Variants in TEX11 observed in about 807,000 individuals in gnomAD.
TEX11 encodes the protein testis-expressed protein 11.
A neutral mutation model predicts 84.4 loss-of-function variants in TEX11; 7 were observed. The observed-to-expected ratio is 0.08, with a 90% CI of 0.05 to 0.16. TEX11 has a LOEUF of 0.16. Among genes scored for constraint, TEX11 ranks in the 10% least tolerant of loss-of-function variants. TEX11 has a pLI of 1.00. For missense variants in TEX11, 551 were observed against 660.5 expected, an observed-to-expected ratio of 0.83 and a Z score of 1.82; for synonymous variants, 264 against 222.8, an observed-to-expected ratio of 1.18 and a Z score of -1.64.
intron 2 of TEX11, among the ~76,000 whole-genome samples, chrX:70,885,516 T>C (rs1017351838): frequency 1.3e-4 from 15 of 111,633 alleles, no homozygotes; most frequent in Admixed American, 3.8e-4. Context: ...TCAACATCAC[T>C]AATCATCAGG....
intron 11 of TEX11, among the ~76,000 whole-genome samples, chrX:70,729,619 A>C (rs190353733): frequency 4.6e-4 from 51 of 111,650 alleles, no homozygotes; most frequent in African/African-American, 1.1e-3. Context: ...AAAAAGAATA[A>C]AAAGAAATGA....
chrX:70,786,162 C>T (rs962546825), intron 9 of TEX11, among the ~76,000 whole-genome samples: 1 of 111,566 alleles, frequency 9.0e-6, no homozygotes. Context: ...AGTTCATGTC[C>T]TTTGTAGGGA....
In TEX11 at chrX:70,769,413, T is replaced by C. The variant is rs750751773; in HGVS notation, c.693-25194A>G. Among the ~76,000 whole-genome samples the C allele has an allele frequency of 3.6e-5, 4 of 111,538 alleles. No individual in the cohort carries two copies. The East Asian group carries it at 8.5e-4, about 24-fold the overall frequency. On this transcript the variant is annotated intron_variant, in intron 9 of 29. Coordinates refer to ENST00000374333, the MANE Select transcript of TEX11 (RefSeq NM_031276.3). ...TCACTACTGACCTTTAGAGAAAAACTATTCCTAAAAGACTAGAGATCTATT... is the reference window on the plus strand; with the variant it reads ...TCACTACTGACCTTTAGAGAAAAACCATTCCTAAAAGACTAGAGATCTATT...
chrX:70,770,345 A>T (rs1395896114), intron 9 of TEX11, among the ~76,000 whole-genome samples: 1 of 112,032 alleles, frequency 8.9e-6, no homozygotes, highest in Non-Finnish European at 1.9e-5. Context: ...AAGGCAAAAC[A>T]ATAATAAATA....
At chrX:70,516,987 G>A in the TEX11 span, among the ~76,000 whole-genome samples, 2 of 111,969 alleles carry the variant, frequency 1.8e-5, no homozygotes, top group East Asian at 2.8e-4. Context: ...CTGAGACTTT[G>A]CTGAAGTTGC....
At chrX:70,887,058 G>C (rs895272280) in intron 2 of TEX11, among the ~76,000 whole-genome samples, 1 of 111,798 alleles carries the variant, frequency 8.9e-6, no homozygotes, top group African/African-American at 3.2e-5. Flanking sequence ...GTACTCCCTG[G>C]TTATCATTGA....
chrX:70,836,151 C>A (rs1434549166), intron 7 of TEX11, among the ~76,000 whole-genome samples: 1 of 107,682 alleles, frequency 9.3e-6, no homozygotes, highest in Non-Finnish European at 1.9e-5. Context: ...AATGGCAATA[C>A]TCCCCGAGTT....
At chrX:70,542,344 C>T (rs1415401509) in intron 28 of TEX11, among the ~76,000 whole-genome samples, 1 of 111,248 alleles carries the variant, frequency 9.0e-6, no homozygotes, top group Non-Finnish European at 1.9e-5. Flanking sequence ...TGATTTTGGA[C>T]TTTCTATCCT....
chrX:70,814,263 A>G (rs2091274611), intron 8 of TEX11, among the ~76,000 whole-genome samples: 1 of 111,907 alleles, frequency 8.9e-6, no homozygotes, highest in African/African-American at 3.2e-5. Flanking sequence ...GATACAGACC[A>G]ATGGAACAGA....
chrX:70,616,889 G>C (rs1279384472), intron 20 of TEX11, among the ~76,000 whole-genome samples: 1 of 111,534 alleles, frequency 9.0e-6, no homozygotes, highest in Non-Finnish European at 1.9e-5. Context: ...AAGGGTTGCG[G>C]GGGGTAGAAG....
intron 9 of TEX11, 110 bp downstream of exon 9, chrX:70,806,595 G>A (rs1420277052): frequency 2.0e-6 from 1 of 489,060 alleles, no homozygotes; most frequent in Non-Finnish European, 3.5e-6. Context: ...ATAGCATGTT[G>A]GCTTCTGAAG....
At chrX:70,684,142 C>T (rs1321126706) in intron 13 of TEX11, among the ~76,000 whole-genome samples, 1 of 112,014 alleles carries the variant, frequency 8.9e-6, no homozygotes, top group Non-Finnish European at 1.9e-5. Context: ...CTAAAGACTC[C>T]ACCAAAGAAC....
At chrX:70,743,855 C>T (rs1002432687) in intron 10 of TEX11, among the ~76,000 whole-genome samples, 4 of 88,641 alleles carry the variant, frequency 4.5e-5, no homozygotes, top group South Asian at 1.3e-3. Context: ...GGCAACAGAG[C>T]GAGACTCTAT....
Position 70,614,628 on chromosome X carries a change from G to T in TEX11, c.1752-4085C>A, listed in dbSNP as rs573706687. On this transcript the variant is annotated intron_variant, in intron 20 of 29. Transcript: ENST00000374333. Reference sequence around the variant, plus strand: ...ACAGGACTAGCTGGTTTCACCACTTGCTGATTGCAGAGCCCTAAGGCCTTG... The same window carrying T: ...ACAGGACTAGCTGGTTTCACCACTTTCTGATTGCAGAGCCCTAAGGCCTTG... Among the ~76,000 whole-genome samples the T allele has an allele frequency of 2.0e-4, 22 of 112,102 alleles. No homozygotes were observed. In the South Asian group the frequency reaches 8.2e-3, roughly 42 times the overall value.
chrX:70,658,084 T>C (rs1004358135), intron 16 of TEX11, among the ~76,000 whole-genome samples: 1 of 110,407 alleles, frequency 9.1e-6, no homozygotes, highest in African/African-American at 3.3e-5. Flanking sequence ...ATAATAAAAA[T>C]TTAAAAAATG....
rs1415412434 is a variant in TEX11 at position 70,629,764 on chromosome X, G to T, written c.1484-29C>A. On this transcript the variant is annotated intron_variant, in intron 17 of 29. Coordinates refer to ENST00000374333, the MANE Select transcript of TEX11 (RefSeq NM_031276.3). ...AAAAACAAGAAAAAAATTCAAAAATGATATACTCTAATCAAAGAAATTACA... is the reference window on the plus strand; with the variant it reads ...AAAAACAAGAAAAAAATTCAAAAATTATATACTCTAATCAAAGAAATTACA... The T allele has an allele frequency of 2.9e-6, 3 of 1,034,220 alleles. No individual in the cohort carries two copies. In the African/African-American group the frequency reaches 5.7e-5, roughly 20 times the overall value. The allele number at this position is 1,034,220 out of a possible 1,213,427, so 85.2% of individuals were successfully genotyped here.
intron 2 of TEX11, among the ~76,000 whole-genome samples, chrX:70,883,309 C>T (rs1056433525): frequency 7.2e-5 from 8 of 111,495 alleles, no homozygotes; most frequent in African/African-American, 2.6e-4. Context: ...TACAGCTGGG[C>T]AAAGTGTCTC....
chrX:70,869,965 T>C (rs1215908565), intron 4 of TEX11, among the ~76,000 whole-genome samples: 1 of 111,577 alleles, frequency 9.0e-6, no homozygotes, highest in Non-Finnish European at 1.9e-5. Flanking sequence ...TAAAGATGTT[T>C]TCTTTGTTGC....
At chrX:70,835,986 C>T (rs752112082) in intron 7 of TEX11, among the ~76,000 whole-genome samples, 8 of 109,129 alleles carry the variant, frequency 7.3e-5, no homozygotes, top group African/African-American at 1.3e-4. Flanking sequence ...CATGGTGGTG[C>T]GTGCCTGTAA....
Sources: gnomAD v4.1 joint callset for allele counts (sites outside exome capture counted in the v4.1 genomes callset) on GRCh38, gnomAD v4.1.1 for gene constraint, MANE v1.5 for transcripts, NCBI Gene and HGNC (gene_info 2026-07-23, HGNC 2026-07-21) for gene names.